The following RGS6 variants were observed in gnomAD, a reference collection of about 807,000 sequenced individuals.
RGS6 encodes the protein regulator of G-protein signaling 6.
Under a neutral mutation model 78.5 loss-of-function variants are expected in RGS6, and 30 were observed. The observed-to-expected ratio is 0.38, with a 90% CI of 0.29 to 0.52. The LOEUF is 0.52. Among genes scored for constraint, RGS6 ranks in the 20% least tolerant of loss-of-function variants. The pLI is 0.85. For missense variants in RGS6, 495 were observed against 609.7 expected (o/e 0.81, Z 1.98); for synonymous variants, 206 against 206.0 (o/e 1.00, Z 0.00).
chr14:72,184,477 G>T (rs1223474262), intron 2 of RGS6, among the ~76,000 whole-genome samples: 1 of 151,388 alleles, frequency 6.6e-6, no homozygotes, highest in African/African-American at 2.4e-5. Flanking sequence ...CCATGAAAAT[G>T]GTATCTTTGT....
At chr14:72,073,739 A>T (rs1322910533) in intron 2 of RGS6, among the ~76,000 whole-genome samples, 2 of 152,216 alleles carry the variant, frequency 1.3e-5, no homozygotes, top group African/African-American at 4.8e-5. Flanking sequence ...TTTTTCTCAC[A>T]AATTTTATAA....
intron 2 of RGS6, among the ~76,000 whole-genome samples, chr14:72,336,677 A>T (rs1432329141): frequency 6.6e-6 from 1 of 152,216 alleles, no homozygotes; most frequent in East Asian, 1.9e-4. Flanking sequence ...TTTCAGGAGT[A>T]CATTAGCTTG....
intron 2 of RGS6, among the ~76,000 whole-genome samples, chr14:72,328,936 A>G (rs2074381576): frequency 6.6e-6 from 1 of 152,350 alleles, no homozygotes; most frequent in African/African-American, 2.4e-5. Context: ...CAATGGCACG[A>G]TCTTGGCTCA....
At chr14:72,162,191 A>G (rs1220494956) in intron 2 of RGS6, among the ~76,000 whole-genome samples, 3 of 152,210 alleles carry the variant, frequency 2.0e-5, no homozygotes, top group Non-Finnish European at 4.4e-5. Context: ...AGCAGAAAAA[A>G]AAAAACTATA....
chr14:72,099,824 T>C (rs115609174), intron 2 of RGS6, among the ~76,000 whole-genome samples: 2,686 of 152,312 alleles, frequency 0.018, 29 homozygotes, highest in Middle Eastern at 0.075. Flanking sequence ...TCATGGTTAC[T>C]TTTGTTGAGC....
chr14:72,554,148 G>A (rs891413125), intron 17 of RGS6, among the ~76,000 whole-genome samples: 1 of 152,214 alleles, frequency 6.6e-6, no homozygotes, highest in Non-Finnish European at 1.5e-5. Flanking sequence ...ATCCAAATGG[G>A]CATGGACATT....
At chr14:71,889,795 G>T in the RGS6 span, among the ~76,000 whole-genome samples, 1 of 152,144 alleles carries the variant, frequency 6.6e-6, no homozygotes, top group South Asian at 2.1e-4. Flanking sequence ...GATCTTGGGG[G>T]CAGGCGTCTC....
chr14:72,268,144 G>A (rs1386686703), intron 2 of RGS6, among the ~76,000 whole-genome samples: 1 of 152,124 alleles, frequency 6.6e-6, no homozygotes, highest in Admixed American at 6.5e-5. Context: ...GATTATTCTT[G>A]CATCCAGCAC....
At chr14:71,961,357 A>G (rs1157186831) in intron 1 of RGS6, among the ~76,000 whole-genome samples, 6 of 152,174 alleles carry the variant, frequency 3.9e-5, no homozygotes, top group African/African-American at 9.7e-5. Flanking sequence ...CCAATGCCCA[A>G]CTGAGGTCCA....
chr14:71,960,617 T>G (rs2153035853), intron 1 of RGS6, among the ~76,000 whole-genome samples: 1 of 152,370 alleles, frequency 6.6e-6, no homozygotes, highest in African/African-American at 2.4e-5. Context: ...AGGAAGTCCC[T>G]GATAGACAAG....
chr14:72,609,277 C>A, the RGS6 span, among the ~76,000 whole-genome samples: 1 of 152,164 alleles, frequency 6.6e-6, no homozygotes, highest in African/African-American at 2.4e-5. Flanking sequence ...GTCTCCCTCC[C>A]AGAACCCCAT....
At position 72,274,405 on chromosome 14, in the gene RGS6, C is replaced by T. The variant is rs536525416; in HGVS notation, c.85-77690C>T. Among the ~76,000 whole-genome samples the T allele has an allele frequency of 3.0e-4, 45 of 152,306 alleles. 1 individual carries two copies. The highest frequency in any genetic ancestry group is 2.9e-3 in the Admixed American group (44 of 15,304). ...CAGGTCATCAGTGACATGACTAGGG[C>T]AGCTCAACCCGCACCTCTGGCATCA... is the stretch of plus-strand genomic sequence containing the variant. On this transcript the variant is annotated intron_variant, in intron 2 of 17. Coordinates refer to ENST00000553525, the MANE Select transcript of RGS6 (RefSeq NM_001204424.2).
rs545481808 is a variant in RGS6, at chr14:72,480,928, A to G, written c.854+2599A>G. 2.7e-3 allele frequency among the ~76,000 whole-genome samples: 416 copies of G among 152,280 alleles called. 3 individuals are homozygous for G. The highest frequency in any genetic ancestry group is 6.8e-3 in the Middle Eastern group (2 of 294). ...GTGAGGAGAGGCAGGAGGGCTGGGG[A>G]CAGCGAGGCTGGGCTCTGGGATGTC... On this transcript the variant is annotated intron_variant, in intron 12 of 17. Transcript: ENST00000553525.
At position 72,417,621 on chromosome 14, in the gene RGS6, G is replaced by A. The variant is rs371935552; in HGVS notation, c.185-36907G>A. On this transcript the variant is annotated intron_variant, in intron 3 of 17. Coordinates refer to ENST00000553525, the MANE Select transcript of RGS6 (RefSeq NM_001204424.2). ...GCATGGGCTCCGCCACCAGCTCTGG[G>A]TTCCGCACTCATTAGCCAGATGACC... 5.9e-5 allele frequency among the ~76,000 whole-genome samples: 9 copies of A among 152,334 alleles called. 1 individual carries two copies. The highest frequency in any genetic ancestry group is 1.9e-4 in the African/African-American group (8 of 41,574).
intron 16 of RGS6, among the ~76,000 whole-genome samples, chr14:72,538,038 G>A (rs1444757904): frequency 1.3e-5 from 2 of 152,232 alleles, no homozygotes; most frequent in Admixed American, 6.5e-5. Flanking sequence ...AGTAAGGGAT[G>A]TTCTTGAGAC....
chr14:72,217,344 C>T (rs2153784028), intron 2 of RGS6, among the ~76,000 whole-genome samples: 1 of 152,288 alleles, frequency 6.6e-6, no homozygotes. Context: ...TGCATTCCCA[C>T]AGGAAGACTG....
At chr14:72,152,243 A>AGTGT (rs1207535946) in intron 2 of RGS6, among the ~76,000 whole-genome samples, 1 of 125,264 alleles carries the variant, frequency 8.0e-6, no homozygotes, top group African/African-American at 2.7e-5. Context: ...AGAGAGAGAG[A>AGTGT]GAGTGTGTGT....
chr14:72,097,039 C>T (rs1466465608), intron 2 of RGS6, among the ~76,000 whole-genome samples: 1 of 152,168 alleles, frequency 6.6e-6, no homozygotes, highest in African/African-American at 2.4e-5. Context: ...ATTCTAGTAC[C>T]CTCGAGTGTC....
intron 2 of RGS6, among the ~76,000 whole-genome samples, chr14:72,110,895 C>T (rs537016220): frequency 1.3e-5 from 2 of 152,302 alleles, no homozygotes; most frequent in East Asian, 3.9e-4. Flanking sequence ...TCACACCTAG[C>T]AGCCTCTGAC....
Sources: gnomAD v4.1 joint callset for allele counts (sites outside exome capture counted in the v4.1 genomes callset) on GRCh38, gnomAD v4.1.1 for gene constraint, MANE v1.5 for transcripts, NCBI Gene and HGNC (gene_info 2026-07-23, HGNC 2026-07-21) for gene names.